Variants in PCDH11Y observed in about 807,000 individuals in gnomAD.
PCDH11Y encodes protocadherin-11 Y-linked.
For synonymous variants in PCDH11Y, 9 were observed against 83.6 expected, an observed-to-expected ratio of 0.11 and a Z score of 4.87; for missense variants, 12 against 224.8, an observed-to-expected ratio of 0.05 and a Z score of 6.05.
At chrY:5,357,221 ATATATATATACGTG>A (rs2053168436) in intron 2 of PCDH11Y, among the ~76,000 whole-genome samples, 1 of 19,952 alleles carries the variant, frequency 5.0e-5, no homozygotes, top group Non-Finnish European at 1.0e-4. Context: ...ATATACACGT[ATATATATATACGTG>A]TATATATATA....
intron 3 of PCDH11Y, among the ~76,000 whole-genome samples, chrY:5,562,141 C>A (rs2053429248): frequency 3.0e-5 from 1 of 33,593 alleles, no homozygotes; most frequent in African/African-American, 1.2e-4. Context: ...CTTAAATGTG[C>A]GGTAGCAGAT....
intron 2 of PCDH11Y, among the ~76,000 whole-genome samples, chrY:5,491,878 C>G (rs1602933434): frequency 1.4e-3 from 45 of 31,898 alleles, no homozygotes; most frequent in Middle Eastern, 0.014. Flanking sequence ...CTCACACACC[C>G]CTCTCCTCCC....
At chrY:5,270,337 G>A (rs2053033533) in intron 2 of PCDH11Y, among the ~76,000 whole-genome samples, 1 of 29,179 alleles carries the variant, frequency 3.4e-5, no homozygotes, top group East Asian at 9.0e-4. Context: ...GTGAAACCCC[G>A]ACTCTACTAG....
intron 4 of PCDH11Y, among the ~76,000 whole-genome samples, chrY:5,718,577 C>T: frequency 3.0e-5 from 1 of 33,724 alleles, no homozygotes; most frequent in Non-Finnish European, 7.3e-5. Context: ...GTAAGGCATG[C>T]CTTTTTTCTT....
intron 2 of PCDH11Y, among the ~76,000 whole-genome samples, chrY:5,143,570 G>A: frequency 3.0e-5 from 1 of 33,388 alleles, no homozygotes; most frequent in African/African-American, 1.2e-4. Flanking sequence ...TAATCCATGT[G>A]CATCACCTTC....
chrY:5,043,947 A>G (rs1602845893), intron 3 of PCDH11Y, among the ~76,000 whole-genome samples: 4 of 32,949 alleles, frequency 1.2e-4, no homozygotes, highest in African/African-American at 3.6e-4. Context: ...CTGTGGGATC[A>G]GTGGTGATAT....
downstream of PCDH11Y, among the ~76,000 whole-genome samples, chrY:5,107,983 C>T (rs2052795200): frequency 3.5e-5 from 1 of 28,645 alleles, no homozygotes; most frequent in Non-Finnish European, 8.2e-5. Flanking sequence ...GGCGTGAACC[C>T]GGGAGGCGGA....
chrY:5,249,521 A>C (rs2053001373), intron 2 of PCDH11Y, among the ~76,000 whole-genome samples: 2 of 32,829 alleles, frequency 6.1e-5, no homozygotes, highest in East Asian at 1.6e-3. Context: ...TGCTGGGAAA[A>C]CTGGCTAGCC....
chrY:5,223,375 C>T, intron 2 of PCDH11Y, among the ~76,000 whole-genome samples: 3 of 33,138 alleles, frequency 9.1e-5, no homozygotes, highest in Non-Finnish European at 2.2e-4. Context: ...GTCACTATGC[C>T]GAATACAGTA....
chrY:5,603,853 GAAAAAGAAAGAA>G (rs2053475494), intron 4 of PCDH11Y, among the ~76,000 whole-genome samples: 1 of 9,011 alleles, frequency 1.1e-4, no homozygotes, highest in East Asian at 2.6e-3. Flanking sequence ...GAGAAAGAAA[GAAAAAGAAAGAA>G]AGAAAGAAAG....
At chrY:5,671,003 T>TC (rs2053548669) in intron 4 of PCDH11Y, among the ~76,000 whole-genome samples, 6 of 33,133 alleles carry the variant, frequency 1.8e-4, no homozygotes, top group Non-Finnish European at 1.5e-4. Flanking sequence ...TATCCAATTT[T>TC]CCCAGCCTCA....
Position 5,421,049 on chromosome Y carries a change from T to TACACAC in PCDH11Y, c.3130-79974_3130-79969dup, listed in dbSNP as rs1310744427. Among the ~76,000 whole-genome samples, 504 of 16,937 alleles carry TACACAC rather than the reference T, an allele frequency of 0.03. No homozygotes were observed. The Middle Eastern group carries it at 0.4, about 13-fold the overall frequency. The allele number at this position is 16,937 out of a possible 37,273, so 45.4% of individuals were successfully genotyped here. On this transcript the variant is annotated intron_variant, in intron 2 of 4. Coordinates refer to the PCDH11Y transcript ENST00000400457. Reference sequence around the variant, plus strand: ...GGTGAAACCCCGTCTCTACTAAAAATACACACACACACACACACACACACA... The same window carrying TACACAC: ...GGTGAAACCCCGTCTCTACTAAAAATACACACACACACACACACACACACACACACA...
At chrY:5,299,222 G>A (rs2053079020) in intron 2 of PCDH11Y, among the ~76,000 whole-genome samples, 14 of 32,809 alleles carry the variant, frequency 4.3e-4, no homozygotes, top group African/African-American at 1.7e-3. Context: ...ATAGATATTT[G>A]TGTGAAACTA....
chrY:5,507,233 T>C (rs2053359557), intron 3 of PCDH11Y, among the ~76,000 whole-genome samples: 1 of 33,303 alleles, frequency 3.0e-5, no homozygotes, highest in African/African-American at 1.2e-4. Flanking sequence ...TTTTACCATT[T>C]AAACTGACAT....
chrY:5,622,618 A>G, intron 4 of PCDH11Y, among the ~76,000 whole-genome samples: 1 of 32,962 alleles, frequency 3.0e-5, no homozygotes, highest in African/African-American at 1.2e-4. Flanking sequence ...TGTTCATTGA[A>G]GCACTATTTA....
intron 2 of PCDH11Y, among the ~76,000 whole-genome samples, chrY:5,239,770 C>T: frequency 3.1e-5 from 1 of 32,780 alleles, no homozygotes; most frequent in Non-Finnish European, 7.5e-5. Context: ...TTACAGGACA[C>T]TGTGAGATAT....
intron 3 of PCDH11Y, among the ~76,000 whole-genome samples, chrY:5,508,270 G>A: frequency 3.0e-5 from 1 of 32,977 alleles, no homozygotes. Context: ...AATAACTATA[G>A]ACCATCTGTC....
At chrY:5,468,810 A>G in intron 2 of PCDH11Y, among the ~76,000 whole-genome samples, 1 of 32,990 alleles carries the variant, frequency 3.0e-5, no homozygotes, top group Non-Finnish European at 7.6e-5. Flanking sequence ...TTTGAAAATA[A>G]TGCATGTTGA....
At chrY:5,303,256 T>A (rs2053085678) in intron 2 of PCDH11Y, among the ~76,000 whole-genome samples, 1 of 32,140 alleles carries the variant, frequency 3.1e-5, no homozygotes. Flanking sequence ...TGTTAAGCCT[T>A]ACTCATTTTT....
Sources: gnomAD v4.1 joint callset for allele counts (sites outside exome capture counted in the v4.1 genomes callset) on GRCh38, gnomAD v4.1.1 for gene constraint, MANE v1.5 for transcripts, NCBI Gene and HGNC (gene_info 2026-07-23, HGNC 2026-07-21) for gene names.